CAMKMT: variants seen among roughly 807,000 people sequenced by gnomAD.
CAMKMT encodes CaM KMT.
CAMKMT carries 53 observed loss-of-function variants against 48.0 expected under a neutral mutation model. That is an observed-to-expected ratio of 1.10 (90% CI 0.89 to 1.39). The LOEUF is 1.39. Ranked by LOEUF, CAMKMT falls within the 40% of genes most tolerant of loss-of-function variation. The pLI is 0.00. For missense variants in CAMKMT, 428 were observed against 402.7 expected (o/e 1.06, Z -0.54); for synonymous variants, 165 against 152.3 (o/e 1.08, Z -0.61).
At chr2:44,462,402 C>G (rs1667893259) in intron 3 of CAMKMT, among the ~76,000 whole-genome samples, 1 of 151,900 alleles carries the variant, frequency 6.6e-6, no homozygotes, top group African/African-American at 2.4e-5. Context: ...ATTGGATAAC[C>G]TGCATTTTTT....
intron 3 of CAMKMT, among the ~76,000 whole-genome samples, chr2:44,500,214 C>T (rs182177284): frequency 3.3e-5 from 5 of 152,210 alleles, no homozygotes; most frequent in African/African-American, 1.2e-4. Flanking sequence ...TTTAGAGTAT[C>T]TAAGTAGGTT....
intron 2 of CAMKMT, among the ~76,000 whole-genome samples, chr2:44,379,181 T>A (rs1679995183): frequency 6.6e-6 from 1 of 152,230 alleles, no homozygotes; most frequent in African/African-American, 2.4e-5. Context: ...TGGCCCTGTA[T>A]GTCTGTCTTC....
chr2:44,750,830 A>G (rs767163712), intron 8 of CAMKMT, among the ~76,000 whole-genome samples: 5 of 152,222 alleles, frequency 3.3e-5, no homozygotes, highest in Non-Finnish European at 7.3e-5. Context: ...CCTGGCCAAC[A>G]TGGTGAAACC....
intron 1 of CAMKMT, among the ~76,000 whole-genome samples, chr2:44,363,837 C>A (rs1379701613): frequency 6.6e-6 from 1 of 151,612 alleles, no homozygotes; most frequent in Non-Finnish European, 1.5e-5. Flanking sequence ...ATTACAGGTG[C>A]TCGCCATTAC....
At chr2:44,762,369 G>C (rs1186480149) in intron 9 of CAMKMT, among the ~76,000 whole-genome samples, 1 of 152,162 alleles carries the variant, frequency 6.6e-6, no homozygotes, top group Non-Finnish European at 1.5e-5. Flanking sequence ...CTTAAACATA[G>C]AATTGGTATT....
At chr2:44,558,000 A>C (rs1485899222) in intron 3 of CAMKMT, among the ~76,000 whole-genome samples, 1 of 152,124 alleles carries the variant, frequency 6.6e-6, no homozygotes, top group Non-Finnish European at 1.5e-5. Flanking sequence ...GGGATGATCA[A>C]CTGCAATACT....
In CAMKMT at chr2:44,754,016, C is replaced by G. The variant is rs757246543; in HGVS notation, c.699-39C>G. 30 of 1,532,378 alleles carry G rather than the reference C, an allele frequency of 2.0e-5. No individual in the cohort carries two copies. The Admixed American group carries it at 4.7e-4, about 24-fold the overall frequency. 94.9% of individuals were successfully genotyped at this position (1,532,378 alleles called of 1,614,324 possible). On this transcript the variant is annotated intron_variant, in intron 8 of 10. Transcript: ENST00000378494. ...CCATTAGTATCATTAGACTTGAAAA[C>G]CCAGTTTAATCTGGATTCTGCTCTC...
intron 3 of CAMKMT, among the ~76,000 whole-genome samples, chr2:44,617,590 A>G (rs1273562013): frequency 6.6e-6 from 1 of 152,238 alleles, no homozygotes; most frequent in Non-Finnish European, 1.5e-5. Flanking sequence ...GTAAGCACAG[A>G]TGTTTATCTA....
At chr2:44,759,149 G>C (rs1187477510) in intron 9 of CAMKMT, among the ~76,000 whole-genome samples, 7 of 152,186 alleles carry the variant, frequency 4.6e-5, no homozygotes, top group Non-Finnish European at 7.3e-5. Flanking sequence ...GGGGAGGACA[G>C]GGTCTCACTT....
At chr2:44,381,434 C>T (rs1200517890) in intron 2 of CAMKMT, among the ~76,000 whole-genome samples, 1 of 152,036 alleles carries the variant, frequency 6.6e-6, no homozygotes, top group Non-Finnish European at 1.5e-5. Flanking sequence ...AGAGAATATT[C>T]TTATTAAAAT....
At chr2:44,635,104 T>A (rs62132321) in intron 3 of CAMKMT, among the ~76,000 whole-genome samples, 4 of 152,288 alleles carry the variant, frequency 2.6e-5, no homozygotes, top group African/African-American at 9.6e-5. Flanking sequence ...AAATATTAGA[T>A]GCTATGCAAG....
chr2:44,578,224 A>C (rs989076988), intron 3 of CAMKMT, among the ~76,000 whole-genome samples: 9 of 152,212 alleles, frequency 5.9e-5, no homozygotes, highest in Non-Finnish European at 1.0e-4. Flanking sequence ...TAAAAAGAAT[A>C]CACCGTAACA....
chr2:44,563,113 T>TA (rs1558705118), intron 3 of CAMKMT, among the ~76,000 whole-genome samples: 1 of 146,680 alleles, frequency 6.8e-6, no homozygotes, highest in Non-Finnish European at 1.5e-5. Flanking sequence ...AATTAAAACT[T>TA]ACAAGGTTTA....
intron 3 of CAMKMT, among the ~76,000 whole-genome samples, chr2:44,622,548 GTGTACTTAATGTT>G (rs1672258222): frequency 6.6e-6 from 1 of 152,104 alleles, no homozygotes; most frequent in East Asian, 1.9e-4. Context: ...TTGAATCTGT[GTGTACTTAATGTT>G]TGGCTCCCAC....
intron 3 of CAMKMT, among the ~76,000 whole-genome samples, chr2:44,686,972 T>C (rs1676372659): frequency 6.6e-6 from 1 of 152,264 alleles, no homozygotes; most frequent in South Asian, 2.1e-4. Flanking sequence ...TTAAGCTTGC[T>C]GCATGGTGAT....
chr2:44,442,530 A>G (rs1446625846), intron 3 of CAMKMT, among the ~76,000 whole-genome samples: 3 of 152,182 alleles, frequency 2.0e-5, no homozygotes, highest in African/African-American at 7.2e-5. Context: ...CTACTAAGCC[A>G]TATTGTATTC....
At chr2:44,659,579 A>AG (rs1674572071) in intron 3 of CAMKMT, among the ~76,000 whole-genome samples, 1 of 151,914 alleles carries the variant, frequency 6.6e-6, no homozygotes, top group South Asian at 2.1e-4. Flanking sequence ...AAAAAAAAAA[A>AG]AGAAAAATTA....
chr2:44,480,759 A>G lies in CAMKMT; in HGVS notation c.376+90454A>G, dbSNP rs116410550. Among the ~76,000 whole-genome samples, 610 of 146,730 alleles carry G rather than the reference A, an allele frequency of 4.2e-3. 6 individuals carry two copies. The highest frequency in any genetic ancestry group is 0.014 in the African/African-American group (572 of 40,934). ...ACTCTTTTGGAGCTGATCTCTTTGT[A>G]TCAATTAGGTACATTTGTAAACTCT... On this transcript the variant is annotated intron_variant, in intron 3 of 10. Transcript: ENST00000378494.
intron 3 of CAMKMT, among the ~76,000 whole-genome samples, chr2:44,626,386 T>A (rs2103951610): frequency 6.6e-6 from 1 of 152,328 alleles, no homozygotes; most frequent in East Asian, 1.9e-4. Context: ...TTTAATGCTG[T>A]GACATTGCTA....
Sources: gnomAD v4.1 joint callset for allele counts (sites outside exome capture counted in the v4.1 genomes callset) on GRCh38, gnomAD v4.1.1 for gene constraint, MANE v1.5 for transcripts, NCBI Gene and HGNC (gene_info 2026-07-23, HGNC 2026-07-21) for gene names.